CUTC: variants seen among roughly 807,000 people sequenced by gnomAD.
The protein encoded by CUTC is cutC copper transporter.
In CUTC, 27 loss-of-function variants were observed where a neutral mutation model predicts 36.2. That is an observed-to-expected ratio of 0.75 (90% CI 0.55 to 1.03). The LOEUF is 1.03. Among genes scored for constraint, CUTC ranks in the 50% least tolerant of loss-of-function variants. The pLI is 0.00. For missense variants in CUTC, 315 were observed against 343.5 expected, an observed-to-expected ratio of 0.92 and a Z score of 0.66; for synonymous variants, 114 against 118.3, an observed-to-expected ratio of 0.96 and a Z score of 0.24.
chr10:99,740,655 C>T (rs1053965349), intron 3 of CUTC, among the ~76,000 whole-genome samples: 3 of 152,080 alleles, frequency 2.0e-5, no homozygotes, highest in African/African-American at 7.2e-5. Context: ...CTTCTCATCA[C>T]ATTTGGAAAA....
intron 3 of CUTC, among the ~76,000 whole-genome samples, 185 bp from the exon 4 acceptor site, chr10:99,742,968 G>A (rs1043569471): frequency 3.9e-5 from 6 of 152,138 alleles, no homozygotes; most frequent in Non-Finnish European, 5.9e-5. Context: ...TTAAATTGTA[G>A]CATCTTCTGT....
chr10:99,743,018 C>T, intron 3 of CUTC, 135 bp from the exon 4 acceptor site: 2 of 740,490 alleles, frequency 2.7e-6, no homozygotes, highest in Non-Finnish European at 4.5e-6. Flanking sequence ...TATTACTTAC[C>T]TTCTACCATA....
chr10:99,745,875 G>T (rs534054875), intron 5 of CUTC, among the ~76,000 whole-genome samples: 16 of 152,234 alleles, frequency 1.1e-4, no homozygotes, highest in African/African-American at 3.6e-4. Flanking sequence ...AAAAAAGTAG[G>T]TTGGAAGTGA....
At chr10:99,743,610 G>A (rs1470838991) in intron 4 of CUTC, among the ~76,000 whole-genome samples, 1 of 152,020 alleles carries the variant, frequency 6.6e-6, no homozygotes, top group Non-Finnish European at 1.5e-5. Context: ...GAAATTTAAG[G>A]GAAATTTACC....
intron 8 of CUTC, 43 bp downstream of exon 8, chr10:99,754,677 A>T (rs2037442264): frequency 7.0e-7 from 1 of 1,420,184 alleles, no homozygotes; most frequent in African/African-American, 1.4e-5. Context: ...GATGAGATTA[A>T]TTTTTACTTT....
chr10:99,755,978 T>C lies in CUTC; in HGVS notation c.*239T>C. 1 of 423,892 alleles carries C rather than the reference T, an allele frequency of 2.4e-6. No homozygotes were observed. The highest frequency in any genetic ancestry group is 4.2e-6 in the Non-Finnish European group (1 of 238,946). 26.3% of individuals were successfully genotyped at this position (423,892 alleles called of 1,614,324 possible). A position where few individuals can be genotyped will look rare whatever the true frequency, so the allele number is the denominator to read the frequency against. On this transcript the variant is annotated 3_prime_UTR_variant, in exon 9 of 9. Transcript: ENST00000370476. ...ATCATGGTTAAAGCTGGTCTGTGCT[T>C]CTTCCATAGACAGAAGCTTAGTCTG...
At chr10:99,738,559 A>C (rs1292488812) in intron 2 of CUTC, among the ~76,000 whole-genome samples, 1 of 152,132 alleles carries the variant, frequency 6.6e-6, no homozygotes, top group Non-Finnish European at 1.5e-5. Flanking sequence ...TTGTTAAGCA[A>C]CTGTGATATT....
Position 99,747,299 on chromosome 10 carries a change from TC to T in CUTC, c.483del (p.Leu162Ter). On this transcript the variant is annotated frameshift_variant, in exon 6 of 9. Coordinates refer to ENST00000370476, the MANE Select transcript of CUTC (RefSeq NM_015960.3). LOFTEE classifies it high-confidence loss of function. The part of the protein sequence containing the change: ...VHDPMAALET[L>X]LTLGFERVLT... The stretch of plus-strand genomic sequence containing the variant: ...GATCCAATGGCAGCTCTGGAGACCC[TC>T]TTAACCTTGGGATTTGAACGCGTGT... 1 of 1,614,190 alleles carries T rather than the reference TC, an allele frequency of 6.2e-7. No homozygotes were observed. The highest frequency in any genetic ancestry group is 8.5e-7 in the Non-Finnish European group (1 of 1,180,018).
At chr10:99,747,193 C>T in intron 5 of CUTC, 64 bp from the exon 6 acceptor site, 1 of 1,578,218 alleles carries the variant, frequency 6.3e-7, no homozygotes. Context: ...ATGTATACTA[C>T]ATTTTGGGAA....
At chr10:99,746,939 T>G (rs2037381752) in intron 5 of CUTC, among the ~76,000 whole-genome samples, 2 of 152,120 alleles carry the variant, frequency 1.3e-5, no homozygotes, top group African/African-American at 4.8e-5. Flanking sequence ...GCCCAGATAA[T>G]TTTTGTATTG....
At chr10:99,733,275 C>T (rs1038923706) in intron 1 of CUTC, among the ~76,000 whole-genome samples, 2 of 152,018 alleles carry the variant, frequency 1.3e-5, no homozygotes, top group Non-Finnish European at 2.9e-5. Flanking sequence ...CGCCACTGCA[C>T]TCCACCCTGG....
At chr10:99,740,434 GT>G (rs55778767) in intron 3 of CUTC, among the ~76,000 whole-genome samples, 147,049 of 151,158 alleles carry the variant, frequency 0.97, 71,653 homozygotes, top group East Asian at 1. Flanking sequence ...AGGTTGACAG[GT>G]TTTTTTTTTC....
chr10:99,736,354 C>T lies in CUTC; in HGVS notation c.133+37C>T, dbSNP rs772170207. ...CAGATAGTGAATGACCGTTGGCTAC[C>T]CTTTTAAGAGTCTGAAAATTAATCC... On this transcript the variant is annotated intron_variant, in intron 2 of 8. Transcript: ENST00000370476. The T allele has an allele frequency of 3.5e-5, 52 of 1,487,880 alleles. 1 individual carries two copies. The South Asian group carries it at 5.9e-4, about 17-fold the overall frequency. The allele number at this position is 1,487,880 out of a possible 1,614,324, so 92.2% of individuals were successfully genotyped here. A position where few individuals can be genotyped will look rare whatever the true frequency, so the allele number is the denominator to read the frequency against.
intron 5 of CUTC, among the ~76,000 whole-genome samples, chr10:99,746,234 A>G (rs911074056): frequency 2.6e-5 from 4 of 152,222 alleles, no homozygotes; most frequent in African/African-American, 7.2e-5. Flanking sequence ...GCTGGAGACC[A>G]TTATCCTTAG....
rs1037195815 is a variant in CUTC at position 99,732,385 on chromosome 10, G to C, written c.37G>C (p.Ala13Pro). The C allele has an allele frequency of 1.4e-5, 22 of 1,553,034 alleles. No individual in the cohort carries two copies. Among genetic ancestry groups the C allele is most frequent in the Non-Finnish European group, 1.8e-5 (21 of 1,148,166 alleles). Residue 13 changes from alanine (A) to proline (P), a missense_variant, in exon 1 of 9, where the codon GCG (alanine) becomes CCG (proline). Coordinates refer to ENST00000370476, the MANE Select transcript of CUTC (RefSeq NM_015960.3). The stretch of plus-strand genomic sequence containing the variant: ...GGGGGCCTCCTCTGAGCGAAAACGA[G>C]CGCGGATACCGTCCGGGAAGGCCGG... ...RQGASSERKRARIPSGKAGAA... is the reference protein window; with the variant it reads ...RQGASSERKRPRIPSGKAGAA...
intron 2 of CUTC, 148 bp from the exon 3 acceptor site, chr10:99,739,562 A>G: frequency 1.4e-6 from 1 of 696,458 alleles, no homozygotes; most frequent in Non-Finnish European, 2.4e-6. Context: ...TGAGTTAAAA[A>G]CAGAGTTTTA....
In CUTC at chr10:99,755,761, G is replaced by C. The variant is rs1298341229; in HGVS notation, c.*22G>C. On this transcript the variant is annotated 3_prime_UTR_variant, in exon 9 of 9. Transcript: ENST00000370476. ...GTAGCCAGACCTCTCTGAGAGACAT[G>C]GATATCACAGGATGAAGGTAGAACT... 5.8e-6 allele frequency: 8 copies of C among 1,390,028 alleles called. No individual in the cohort carries two copies. In the East Asian group the frequency reaches 6.8e-5, roughly 12 times the overall value. 86.1% of individuals were successfully genotyped at this position (1,390,028 alleles called of 1,614,324 possible).
In CUTC at chr10:99,754,619, C is replaced by T. The variant is rs920986260; in HGVS notation, c.692C>T (p.Ser231Leu). The change falls in exon 8 of 9, where the codon TCG becomes TTG. Residue 231 changes from serine to leucine, a missense_variant. Transcript: ENST00000370476. ...FHCSARSTRD[S>L]GMKFRNSSVA... is the part of the protein sequence containing the mutation. ...TGTTCTGCTCGGTCTACTAGAGACT[C>T]GGGAATGAAGTTTCGGTAAAAATGT... 21 of 1,608,888 alleles carry T rather than the reference C, an allele frequency of 1.3e-5. No homozygotes were observed. Among genetic ancestry groups the T allele is most frequent in the African/African-American group, 6.7e-5 (5 of 74,702 alleles).
At chr10:99,737,266 T>TAA (rs77766994) in intron 2 of CUTC, among the ~76,000 whole-genome samples, 6 of 126,346 alleles carry the variant, frequency 4.7e-5, no homozygotes, top group Admixed American at 4.0e-4. Context: ...AGATCTTGTC[T>TAA]AAAAAAAAAA....
Sources: allele counts gnomAD v4.1 joint callset (sites outside exome capture counted in the v4.1 genomes callset), GRCh38; gene constraint gnomAD v4.1.1; transcripts MANE v1.5; gene names NCBI Gene and HGNC (gene_info 2026-07-23, HGNC 2026-07-21).